The following XIRP2 variants were observed in gnomAD, a reference collection of about 807,000 sequenced individuals.
The protein encoded by XIRP2 is xin actin-binding repeat-containing protein 2.
A neutral mutation model predicts 277.0 loss-of-function variants in XIRP2; 236 were observed. The ratio of observed to expected loss-of-function variants is 0.85; its 90% confidence interval spans 0.77 to 0.95. The LOEUF (loss-of-function observed/expected upper bound fraction) is 0.95. XIRP2 is among the 40% of genes least tolerant of loss of function. The probability of loss-of-function intolerance (pLI) is 0.00; values close to 1 mark genes in which losing one functional copy is unlikely to be tolerated. For synonymous variants in XIRP2, 1,490 were observed against 1,416.5 expected (o/e 1.05, Z -1.17); for missense variants, 4,640 against 4,157.5 (o/e 1.12, Z -3.19).
chr2:167,000,980 G>A (rs1462897118), intron 2 of XIRP2, among the ~76,000 whole-genome samples: 4 of 152,108 alleles, frequency 2.6e-5, no homozygotes, highest in African/African-American at 9.7e-5. Flanking sequence ...CCAGGAGTTC[G>A]AGGTTATAGT....
rs112605974 is a variant in XIRP2, at chr2:167,231,570, C to CT, written c.859-8274dup. On this transcript the variant is annotated intron_variant, in intron 5 of 10. Transcript: ENST00000409195. ...CTTAGGAAGGCTAATGGACAGTTTT[C>CT]TTTTTTTTTTTACATCAAAACCATT... Among the ~76,000 whole-genome samples, 293 of 145,144 alleles carry CT rather than the reference C, an allele frequency of 2.0e-3. 1 individual carries two copies. The highest frequency in any genetic ancestry group is 5.8e-3 in the African/African-American group (233 of 39,852).
At chr2:167,217,987 A>G (rs986414368) in intron 4 of XIRP2, among the ~76,000 whole-genome samples, 179 bp from the exon 5 acceptor site, 18 of 152,212 alleles carry the variant, frequency 1.2e-4, no homozygotes, top group Admixed American at 9.8e-4. Flanking sequence ...ATGAGAAAAC[A>G]ACCCAGAGAG....
Position 167,247,020 on chromosome 2 carries a change from A to T in XIRP2, c.5628A>T (p.Lys1876Asn). ...TGCTAGCCACACTCAAGTCACTTAA[A>T]GAATCAAGCCATCGATGGAAAGAAT... ...GNMLATLKSL[K>N]ESSHRWKESK... Residue 1876 changes from lysine (K) to asparagine (N), a missense_variant, in exon 9 of 11, where the codon AAA (lysine) becomes AAT (asparagine). Transcript: ENST00000409195. The T allele has an allele frequency of 6.2e-7, 1 of 1,613,682 alleles. No individual in the cohort carries two copies.
At chr2:167,144,380 C>T (rs1344825842) in intron 3 of XIRP2, among the ~76,000 whole-genome samples, 1 of 151,950 alleles carries the variant, frequency 6.6e-6, no homozygotes, top group Non-Finnish European at 1.5e-5. Context: ...GGACTCATAA[C>T]AGTACACGTA....
chr2:167,179,779 A>ACGT (rs1692960019), intron 3 of XIRP2, among the ~76,000 whole-genome samples: 1 of 151,952 alleles, frequency 6.6e-6, no homozygotes, highest in African/African-American at 2.4e-5. Flanking sequence ...AGCTGGGACT[A>ACGT]TAGGCATGTG....
At chr2:167,169,840 A>G (rs1049120164) in intron 3 of XIRP2, among the ~76,000 whole-genome samples, 3 of 152,216 alleles carry the variant, frequency 2.0e-5, no homozygotes, top group African/African-American at 7.2e-5. Flanking sequence ...GACATTGTTG[A>G]ATATATGGTT....
rs552185700 is a variant in XIRP2, at chr2:167,013,217, A to C, written c.408+109327A>C. The stretch of plus-strand genomic sequence containing the variant: ...TCTGTTCACCTGTACAAGGACTTTC[A>C]TGCAAATATATGATATCAGATGCTC... On this transcript the variant is annotated intron_variant, in intron 2 of 10. Transcript: ENST00000409195. 5.3e-5 allele frequency among the ~76,000 whole-genome samples: 8 copies of C among 151,438 alleles called. No homozygotes were observed. In the South Asian group the frequency reaches 1.7e-3, roughly 31 times the overall value.
intron 2 of XIRP2, among the ~76,000 whole-genome samples, chr2:167,127,134 T>C (rs939672672): frequency 6.6e-6 from 1 of 152,206 alleles, no homozygotes; most frequent in Non-Finnish European, 1.5e-5. Flanking sequence ...TGCATTTTTT[T>C]CTTAAACTCC....
chr2:167,240,749 T>A lies in XIRP2; in HGVS notation c.1042+13T>A. 1 of 1,609,860 alleles carries A rather than the reference T, an allele frequency of 6.2e-7. No individual in the cohort carries two copies. The highest frequency in any genetic ancestry group is 2.2e-5 in the East Asian group (1 of 44,798). On this transcript the variant is annotated intron_variant, in intron 7 of 10. Transcript: ENST00000409195. ...GTTCAAGAAACTGGTAAGAGTCTGG[T>A]ATTATTGGTTCCAATACTCCTTTCT... is the stretch of plus-strand genomic sequence containing the variant.
At chr2:166,967,631 A>G (rs1686466937) in intron 2 of XIRP2, among the ~76,000 whole-genome samples, 1 of 152,098 alleles carries the variant, frequency 6.6e-6, no homozygotes. Context: ...TATGCTCCAC[A>G]TAACCTTGTA....
chr2:167,061,045 T>C (rs1031569025), intron 2 of XIRP2, among the ~76,000 whole-genome samples: 4 of 152,168 alleles, frequency 2.6e-5, no homozygotes, highest in Non-Finnish European at 5.9e-5. Context: ...AGCAATATTT[T>C]ATAGTATTAA....
At chr2:167,180,317 A>G (rs1479334445) in intron 3 of XIRP2, among the ~76,000 whole-genome samples, 1 of 152,084 alleles carries the variant, frequency 6.6e-6, no homozygotes. Context: ...CCTCTGAAAC[A>G]GTTATGTTTC....
intron 2 of XIRP2, 63 bp from the exon 3 acceptor site, chr2:167,135,845 TA>T: frequency 7.1e-7 from 1 of 1,408,182 alleles, no homozygotes; most frequent in Non-Finnish European, 9.3e-7. Flanking sequence ...CTAACCCCCC[TA>T]AAAAACACAT....
At position 167,251,005 on chromosome 2, in the gene XIRP2, G is replaced by A; in HGVS notation, c.9613G>A (p.Val3205Ile). ...GAIPCPAATP[V>I]PIVEKRSEII... The stretch of plus-strand genomic sequence containing the variant: ...CATCCCATGTCCAGCAGCAACCCCG[G>A]TTCCAATTGTAGAGAAGAGGTCTGA... Residue 3205 changes from valine (V) to isoleucine (I), a missense_variant, in exon 9 of 11, where the codon GTT becomes ATT. By Grantham distance (29) the Val-to-Ile change is conservative. Transcript: ENST00000409195. The A allele has an allele frequency of 6.2e-7, 1 of 1,613,596 alleles. No individual in the cohort carries two copies. Among genetic ancestry groups the A allele is most frequent in the Non-Finnish European group, 8.5e-7 (1 of 1,179,724 alleles).
At chr2:167,012,561 T>C (rs1687709566) in intron 2 of XIRP2, among the ~76,000 whole-genome samples, 1 of 151,672 alleles carries the variant, frequency 6.6e-6, no homozygotes, top group African/African-American at 2.4e-5. Context: ...TAAGAGCCTT[T>C]CTTTCTAGAT....
Position 166,903,348 on chromosome 2 carries a change from C to T in XIRP2, c.-18-117C>T, listed in dbSNP as rs1684431722. On this transcript the variant is annotated intron_variant, in intron 1 of 10. Coordinates refer to ENST00000409195, the MANE Select transcript of XIRP2 (RefSeq NM_152381.6). ...AATTGTGTGGAATTGTATAGGAAAG[C>T]TGGATTTCTTTACTAAGACCCAAAC... is the stretch of plus-strand genomic sequence containing the variant. 1.2e-5 allele frequency: 12 copies of T among 967,582 alleles called. No homozygotes were observed. In the South Asian group the frequency reaches 1.8e-4, roughly 14 times the overall value. 59.9% of individuals were successfully genotyped at this position (967,582 alleles called of 1,614,324 possible).
intron 2 of XIRP2, among the ~76,000 whole-genome samples, chr2:166,904,988 C>A (rs1043394717): frequency 1.3e-5 from 2 of 151,850 alleles, no homozygotes; most frequent in Non-Finnish European, 2.9e-5. Context: ...AATCAAGTAA[C>A]TCTAATTTGT....
chr2:167,123,405 T>C (rs1558988092), intron 2 of XIRP2, among the ~76,000 whole-genome samples: 1 of 152,210 alleles, frequency 6.6e-6, no homozygotes, highest in Non-Finnish European at 1.5e-5. Context: ...TATAATCTTA[T>C]GCCTGTAAGG....
intron 2 of XIRP2, among the ~76,000 whole-genome samples, chr2:167,056,349 G>T (rs1205748133): frequency 6.6e-6 from 1 of 152,042 alleles, no homozygotes; most frequent in Non-Finnish European, 1.5e-5. Context: ...GATTTACGTG[G>T]TTAATCATTC....
Sources: allele counts gnomAD v4.1 joint callset (sites outside exome capture counted in the v4.1 genomes callset), GRCh38; gene constraint gnomAD v4.1.1; transcripts MANE v1.5; gene names NCBI Gene and HGNC (gene_info 2026-07-23, HGNC 2026-07-21).